PDCD10: variants seen among roughly 807,000 people sequenced by gnomAD.
The protein encoded by PDCD10 is programmed cell death 10, also known as programmed cell death protein 10.
A neutral mutation model predicts 29.2 loss-of-function variants in PDCD10; 4 were observed. The ratio of observed to expected loss-of-function variants is 0.14; its 90% CI spans 0.07 to 0.31. The LOEUF (loss-of-function observed/expected upper bound fraction) is 0.31. Ranked by LOEUF, PDCD10 falls within the 10% of genes least tolerant of loss-of-function variation. PDCD10 has a pLI of 1.00. For synonymous variants in PDCD10, 70 were observed against 82.2 expected (o/e 0.85, Z 0.80); for missense variants, 183 against 257.9 (o/e 0.71, Z 1.99).
intron 3 of PDCD10, among the ~76,000 whole-genome samples, chr3:167,707,515 A>G (rs1026204053): frequency 6.6e-6 from 1 of 151,680 alleles, no homozygotes; most frequent in African/African-American, 2.4e-5. Flanking sequence ...AGTCTCTACT[A>G]AAAATACAAA....
chr3:167,699,172 C>T (rs1202628835), intron 4 of PDCD10, among the ~76,000 whole-genome samples: 1 of 152,090 alleles, frequency 6.6e-6, no homozygotes, highest in Non-Finnish European at 1.5e-5. Context: ...TTGGACCTTG[C>T]CCCTCTCATT....
chr3:167,726,114 GTTTTTTTTTTTTT>G (rs751342370), intron 2 of PDCD10, among the ~76,000 whole-genome samples: 2 of 85,766 alleles, frequency 2.3e-5, no homozygotes, highest in Non-Finnish European at 4.3e-5. Context: ...GTAGAGTACT[GTTTTTTTTTTTTT>G]TTTTTTTTTT....
intron 2 of PDCD10, among the ~76,000 whole-genome samples, chr3:167,726,631 T>G (rs1036483328): frequency 1.3e-5 from 2 of 152,192 alleles, no homozygotes; most frequent in African/African-American, 4.8e-5. Flanking sequence ...GAGTACTAAC[T>G]GCATATAAAA....
chr3:167,734,025 G>T (rs906997516), intron 2 of PDCD10, among the ~76,000 whole-genome samples, 189 bp downstream of exon 2: 10 of 151,958 alleles, frequency 6.6e-5, no homozygotes, highest in Non-Finnish European at 1.0e-4. Context: ...CATTTACTTT[G>T]TAACTTCCTC....
rs533172306 is a variant in PDCD10, at chr3:167,717,507, T to C, written c.96+2555A>G. On this transcript the variant is annotated intron_variant, in intron 3 of 8. Transcript: ENST00000392750. ...GCACAGAAAAAGCCAAACTAAAATA[T>C]AATTTCCCTATTAGATATATAGAGA... is the stretch of plus-strand genomic sequence containing the variant. Among the ~76,000 whole-genome samples the C allele has an allele frequency of 7.2e-5, 11 of 152,062 alleles. No individual in the cohort carries two copies. In the South Asian group the frequency reaches 2.3e-3, roughly 32 times the overall value.
chr3:167,724,813 ATTTC>A (rs1217497801), intron 2 of PDCD10, among the ~76,000 whole-genome samples: 7 of 152,342 alleles, frequency 4.6e-5, no homozygotes, highest in Middle Eastern at 6.8e-3. Flanking sequence ...TCTAATAGGA[ATTTC>A]TTTAAGACAA....
intron 3 of PDCD10, among the ~76,000 whole-genome samples, chr3:167,707,479 C>T (rs1722094481): frequency 6.6e-6 from 1 of 151,958 alleles, no homozygotes; most frequent in African/African-American, 2.4e-5. Context: ...GAGATCGAGA[C>T]CATCCTGGCT....
chr3:167,713,936 A>G (rs1032100977), intron 3 of PDCD10, among the ~76,000 whole-genome samples: 1 of 152,000 alleles, frequency 6.6e-6, no homozygotes, highest in Non-Finnish European at 1.5e-5. Flanking sequence ...AGAAAAGCCC[A>G]GGATTCAATG....
At chr3:167,687,794 C>T (rs975678958) in intron 6 of PDCD10, 101 bp from the exon 7 acceptor site, 3 of 711,334 alleles carry the variant, frequency 4.2e-6, no homozygotes, top group Non-Finnish European at 7.7e-6. Context: ...CACTCTTAAT[C>T]TAATCACAGT....
chr3:167,690,272 T>C (rs1720081946), intron 6 of PDCD10, among the ~76,000 whole-genome samples: 1 of 152,198 alleles, frequency 6.6e-6, no homozygotes, highest in Non-Finnish European at 1.5e-5. Flanking sequence ...AATAGAAAAG[T>C]AGAGTTTCTA....
intron 2 of PDCD10, among the ~76,000 whole-genome samples, chr3:167,733,625 T>G (rs1361659745): frequency 3.9e-5 from 6 of 152,216 alleles, no homozygotes; most frequent in Non-Finnish European, 8.8e-5. Flanking sequence ...TACCTTCTTT[T>G]CTAGTAATGG....
At chr3:167,704,556 G>GAA (rs1198898884) in intron 4 of PDCD10, 501 of 198,470 alleles carry the variant, frequency 2.5e-3, no homozygotes, top group Middle Eastern at 6.9e-3. Context: ...TCAAATAATA[G>GAA]AAAAAAAAAA....
At chr3:167,730,698 C>G (rs779106130) in intron 2 of PDCD10, 2 of 152,110 alleles carry the variant, frequency 1.3e-5, no homozygotes, top group Non-Finnish European at 2.9e-5. Context: ...TACTCTATGC[C>G]ATACCGTGGT....
chr3:167,696,416 A>G (rs144152337), intron 5 of PDCD10, among the ~76,000 whole-genome samples: 1 of 152,310 alleles, frequency 6.6e-6, no homozygotes, highest in African/African-American at 2.4e-5. Flanking sequence ...GGGCTTTCTT[A>G]AAATCATGGA....
intron 3 of PDCD10, among the ~76,000 whole-genome samples, chr3:167,716,245 T>C (rs1253957281): frequency 6.6e-6 from 1 of 151,726 alleles, no homozygotes; most frequent in Admixed American, 6.6e-5. Context: ...GATAGAGAGA[T>C]GGATGGTTAC....
chr3:167,704,556 GAA>G (rs1198898884), intron 4 of PDCD10: 73 of 199,220 alleles, frequency 3.7e-4, no homozygotes, highest in Non-Finnish European at 4.3e-4. Flanking sequence ...TCAAATAATA[GAA>G]AAAAAAAAAA....
Position 167,696,348 on chromosome 3 carries a change from A to G in PDCD10, c.269-626T>C, listed in dbSNP as rs563546640. ...ACTTGGAAGCATTACAACTCTACCA[A>G]TTCATCAATATATTATGGCCTAATG... On this transcript the variant is annotated intron_variant, in intron 5 of 8. Transcript: ENST00000392750. Among the ~76,000 whole-genome samples, 3 of 152,276 alleles carry G rather than the reference A, an allele frequency of 2.0e-5. 1 individual carries two copies. The highest frequency in any genetic ancestry group is 7.2e-5 in the African/African-American group (3 of 41,552).
rs556200343 is a variant in PDCD10 at position 167,692,463 on chromosome 3, A to G, written c.395+3133T>C. Among the ~76,000 whole-genome samples the G allele has an allele frequency of 4.6e-5, 7 of 152,350 alleles. No homozygotes were observed. The East Asian group carries it at 1.3e-3, about 29-fold the overall frequency. On this transcript the variant is annotated intron_variant, in intron 6 of 8. Transcript: ENST00000392750. ...TATGGTGTCATGTCACGGTGCTCAA[A>G]AAGTTTTGGATTTTGGAGCATTTAG...
At chr3:167,714,410 G>A (rs549120045) in intron 3 of PDCD10, among the ~76,000 whole-genome samples, 168 of 151,960 alleles carry the variant, frequency 1.1e-3, no homozygotes, top group Non-Finnish European at 2.1e-3. Flanking sequence ...CACTGTCACC[G>A]TTATTCAACA....
Sources: gnomAD v4.1 joint callset for allele counts (sites outside exome capture counted in the v4.1 genomes callset) on GRCh38, gnomAD v4.1.1 for gene constraint, MANE v1.5 for transcripts, NCBI Gene and HGNC (gene_info 2026-07-23, HGNC 2026-07-21) for gene names.